The following PKIB variants were observed in gnomAD, a reference collection of about 807,000 sequenced individuals.
PKIB encodes cAMP-dependent protein kinase inhibitor beta.
A neutral mutation model predicts 4.5 loss-of-function variants in PKIB; 2 were observed. That is an observed-to-expected ratio of 0.44 (90% CI 0.18 to 1.39). The LOEUF (loss-of-function observed/expected upper bound fraction) is 1.39. PKIB is among the 40% of genes most tolerant of loss of function. PKIB has a pLI of 0.27. For missense variants in PKIB, 94 were observed against 92.6 expected (o/e 1.02, Z -0.06); for synonymous variants, 38 against 36.0 (o/e 1.06, Z -0.20).
intron 3 of PKIB, among the ~76,000 whole-genome samples, chr6:122,596,974 G>A (rs566841092): frequency 5.8e-4 from 89 of 152,270 alleles, no homozygotes; most frequent in African/African-American, 2.1e-3. Context: ...GACCCACCAG[G>A]TGTTGTACAT....
At chr6:122,564,110 T>G (rs2114678703) in intron 2 of PKIB, among the ~76,000 whole-genome samples, 1 of 152,322 alleles carries the variant, frequency 6.6e-6, no homozygotes, top group Non-Finnish European at 1.5e-5. Context: ...GACCTTCAAC[T>G]TTTCCAGTGG....
intron 2 of PKIB, among the ~76,000 whole-genome samples, chr6:122,666,688 C>T (rs1380164265): frequency 6.6e-6 from 1 of 152,124 alleles, no homozygotes; most frequent in Non-Finnish European, 1.5e-5. Context: ...ATCTATAATG[C>T]TAAGAGGGTA....
At chr6:122,636,078 A>G (rs2114834934) in intron 2 of PKIB, among the ~76,000 whole-genome samples, 1 of 152,250 alleles carries the variant, frequency 6.6e-6, no homozygotes, top group South Asian at 2.1e-4. Context: ...CAACAACCCT[A>G]GGAGATATGG....
At chr6:122,571,309 A>T (rs1349425577) in intron 2 of PKIB, among the ~76,000 whole-genome samples, 1 of 152,234 alleles carries the variant, frequency 6.6e-6, no homozygotes, top group Non-Finnish European at 1.5e-5. Flanking sequence ...GAGAAGTCTA[A>T]GAGTTTGGAG....
chr6:122,641,899 G>A (rs1253406353), intron 2 of PKIB, among the ~76,000 whole-genome samples: 2 of 152,034 alleles, frequency 1.3e-5, no homozygotes, highest in African/African-American at 2.4e-5. Flanking sequence ...CACCATATTG[G>A]CCAGGCTGGT....
intron 2 of PKIB, among the ~76,000 whole-genome samples, chr6:122,495,515 GA>G (rs889497642): frequency 6.6e-6 from 1 of 151,968 alleles, no homozygotes; most frequent in Non-Finnish European, 1.5e-5. Context: ...GCCAGCACTT[GA>G]CTTCTGGGCT....
At chr6:122,504,879 A>G (rs912568490) in intron 2 of PKIB, among the ~76,000 whole-genome samples, 2 of 152,152 alleles carry the variant, frequency 1.3e-5, no homozygotes, top group African/African-American at 2.4e-5. Context: ...TCCGTAGGGT[A>G]TCCGAAGTCC....
At chr6:122,485,026 C>T (rs2114525080) in intron 2 of PKIB, among the ~76,000 whole-genome samples, 1 of 152,204 alleles carries the variant, frequency 6.6e-6, no homozygotes, top group Admixed American at 6.5e-5. Flanking sequence ...GTTTCTGTAC[C>T]TCACTTCCAA....
At chr6:122,632,445 G>C (rs1036839370) in intron 1 of PKIB, among the ~76,000 whole-genome samples, 1 of 152,280 alleles carries the variant, frequency 6.6e-6, no homozygotes. Context: ...CTGAGTGAAA[G>C]GGCGTCTGGT....
intron 2 of PKIB, among the ~76,000 whole-genome samples, chr6:122,579,527 A>G (rs1773645152): frequency 6.6e-6 from 1 of 152,224 alleles, no homozygotes; most frequent in Admixed American, 6.5e-5. Flanking sequence ...CAGAGCAGGA[A>G]TTTGTATATT....
intron 2 of PKIB, among the ~76,000 whole-genome samples, chr6:122,546,148 TCTTC>T (rs1772486634): frequency 1.3e-5 from 2 of 152,094 alleles, no homozygotes. Context: ...GCTGCACAGT[TCTTC>T]CTTTTCTTGA....
At chr6:122,590,976 G>T (rs1325604294) in intron 3 of PKIB, among the ~76,000 whole-genome samples, 1 of 151,800 alleles carries the variant, frequency 6.6e-6, no homozygotes, top group Non-Finnish European at 1.5e-5. Context: ...CTTTAGAATT[G>T]CCCTTGCTTA....
intron 3 of PKIB, among the ~76,000 whole-genome samples, chr6:122,711,438 T>G (rs1238438392): frequency 6.6e-6 from 1 of 152,184 alleles, no homozygotes; most frequent in Non-Finnish European, 1.5e-5. Flanking sequence ...GACTATATCA[T>G]CTTTTCAAAT....
chr6:122,577,099 A>G (rs1292349024), intron 2 of PKIB, among the ~76,000 whole-genome samples: 2 of 152,196 alleles, frequency 1.3e-5, no homozygotes, highest in Non-Finnish European at 2.9e-5. Context: ...GACAAACAAT[A>G]ATTACACTAT....
chr6:122,560,615 A>G (rs1010085373), intron 2 of PKIB, among the ~76,000 whole-genome samples: 46 of 152,212 alleles, frequency 3.0e-4, no homozygotes, highest in African/African-American at 1.1e-3. Flanking sequence ...AAGGATTGAT[A>G]CCAATTCTTC....
chr6:122,700,720 T>C (rs374523067), intron 3 of PKIB, among the ~76,000 whole-genome samples: 13 of 152,360 alleles, frequency 8.5e-5, no homozygotes, highest in African/African-American at 2.9e-4. Flanking sequence ...TTTGAGTTTT[T>C]AGCTAGGTGA....
chr6:122,471,939 A>G (rs950602694), exon 1 of PKIB: 11 of 1,204,136 alleles, frequency 9.1e-6, no homozygotes, highest in Admixed American at 6.3e-5. Context: ...GCGTCACTAG[A>G]CGACACGGCT....
chr6:122,501,757 G>A (rs1582661105), intron 2 of PKIB, among the ~76,000 whole-genome samples: 1 of 152,052 alleles, frequency 6.6e-6, no homozygotes, highest in Non-Finnish European at 1.5e-5. Flanking sequence ...CATTGTCTTG[G>A]CTATTAACAT....
chr6:122,659,963 A>C (rs1776922006), intron 2 of PKIB, among the ~76,000 whole-genome samples: 1 of 152,240 alleles, frequency 6.6e-6, no homozygotes, highest in Non-Finnish European at 1.5e-5. Context: ...AAAAATAAAA[A>C]TGGAAACATT....
Sources: allele counts gnomAD v4.1 joint callset (sites outside exome capture counted in the v4.1 genomes callset), GRCh38; gene constraint gnomAD v4.1.1; transcripts MANE v1.5; gene names NCBI Gene and HGNC (gene_info 2026-07-23, HGNC 2026-07-21).